The following FKBP3 variants were observed in gnomAD, a reference collection of about 807,000 sequenced individuals.
The protein encoded by FKBP3 is peptidyl-prolyl cis-trans isomerase FKBP3.
A neutral mutation model predicts 30.6 loss-of-function variants in FKBP3; 21 were observed. The ratio of observed to expected loss-of-function variants is 0.69; its 90% confidence interval spans 0.49 to 0.99. The LOEUF (loss-of-function observed/expected upper bound fraction) is 0.99, where lower values mean the gene tolerates loss of function less well. Ranked by LOEUF, FKBP3 falls within the 50% of genes least tolerant of loss-of-function variation. The pLI, the probability that FKBP3 is intolerant of heterozygous loss-of-function variation, is 0.00. For missense variants in FKBP3, 283 were observed against 261.6 expected (o/e 1.08, Z -0.56); for synonymous variants, 82 against 91.3 (o/e 0.90, Z 0.58).
chr14:45,127,130 T>TTTTTTTTTTTTTTTA (rs1885118130), intron 3 of FKBP3, among the ~76,000 whole-genome samples: 3 of 145,612 alleles, frequency 2.1e-5, no homozygotes, highest in South Asian at 2.2e-4. Flanking sequence ...TTTTTTTTTT[T>TTTTTTTTTTTTTTTA]GAGACAGAGT....
intron 3 of FKBP3, among the ~76,000 whole-genome samples, chr14:45,127,791 AAAG>A (rs1885133096): frequency 6.6e-6 from 1 of 152,184 alleles, no homozygotes; most frequent in Non-Finnish European, 1.5e-5. Flanking sequence ...CTGACTGGAT[AAAG>A]AAAGAGAAGG....
intron 1 of FKBP3, among the ~76,000 whole-genome samples, 156 bp downstream of exon 1, chr14:45,134,193 C>G (rs543072781): frequency 1.0e-3 from 156 of 152,346 alleles, no homozygotes; most frequent in Admixed American, 2.4e-3. Flanking sequence ...GGGAGCGAGG[C>G]ACCAAAGCAC....
rs1312569128 is a variant in FKBP3, at chr14:45,134,423, CG to C, written c.33del (p.Val12TrpfsTer33). On this transcript the variant is annotated frameshift_variant, in exon 1 of 7. Transcript: ENST00000396062. LOFTEE classifies it high-confidence loss of function. MAAAVPQRAW[T>X]VEQLRSEQLP... ...AGCTGCTCACTGCGCAGCTGCTCCA[CG>C]GTCCACGCCCGCTGTGGAACGGCCG... 1 of 1,612,630 alleles carries C rather than the reference CG, an allele frequency of 6.2e-7. No homozygotes were observed. The highest frequency in any genetic ancestry group is 8.5e-7 in the Non-Finnish European group (1 of 1,179,532).
At chr14:45,133,869 T>A (rs2139091868) in intron 1 of FKBP3, among the ~76,000 whole-genome samples, 1 of 152,208 alleles carries the variant, frequency 6.6e-6, no homozygotes, top group East Asian at 1.9e-4. Context: ...ACCTACGGAT[T>A]TTTTAAAAAT....
chr14:45,127,116 T>G (rs1885116799), intron 3 of FKBP3, among the ~76,000 whole-genome samples: 3 of 107,150 alleles, frequency 2.8e-5, no homozygotes, highest in East Asian at 4.8e-4. Context: ...TGACCCTGTC[T>G]TTTTTTTTTT....
chr14:45,119,437 C>T lies in FKBP3; in HGVS notation c.523-1312G>A, dbSNP rs564325339. 1.6e-4 allele frequency among the ~76,000 whole-genome samples: 25 copies of T among 151,824 alleles called. No homozygotes were observed. The South Asian group carries it at 4.8e-3, about 29-fold the overall frequency. On this transcript the variant is annotated intron_variant, in intron 5 of 6. Transcript: ENST00000396062. ...AGGAATGCAAAATTAGGTGTGGTGGCGCATGCCTGTAATCCCAGCTATTCG... is the reference window on the plus strand; with the variant it reads ...AGGAATGCAAAATTAGGTGTGGTGGTGCATGCCTGTAATCCCAGCTATTCG...
At chr14:45,122,279 TA>T (rs1263424864) in intron 3 of FKBP3, among the ~76,000 whole-genome samples, 4 of 140,280 alleles carry the variant, frequency 2.9e-5, no homozygotes, top group Admixed American at 1.5e-4. Flanking sequence ...GGGAGTTAAT[TA>T]AAAAAAAGAA....
chr14:45,117,570 C>A (rs1258948815), intron 6 of FKBP3, among the ~76,000 whole-genome samples: 1 of 152,096 alleles, frequency 6.6e-6, no homozygotes, highest in Non-Finnish European at 1.5e-5. Flanking sequence ...ACTGTTGATT[C>A]TGTGGTCTCC....
chr14:45,132,603 G>A (rs945862449), intron 1 of FKBP3, among the ~76,000 whole-genome samples: 1 of 151,698 alleles, frequency 6.6e-6, no homozygotes, highest in Non-Finnish European at 1.5e-5. Flanking sequence ...GTTTCGCTAC[G>A]TTGGCCAGGC....
intron 1 of FKBP3, 132 bp from the exon 2 acceptor site, chr14:45,130,932 T>C (rs2139088173): frequency 5.8e-6 from 3 of 519,852 alleles, no homozygotes; most frequent in South Asian, 3.0e-5. Flanking sequence ...ATAAAGCCTA[T>C]AGTTTATACT....
intron 6 of FKBP3, 162 bp from the exon 7 acceptor site, chr14:45,116,414 A>G: frequency 1.8e-6 from 1 of 548,372 alleles, no homozygotes; most frequent in Non-Finnish European, 3.3e-6. Context: ...ATTAGCCACC[A>G]CTTAATGAAG....
chr14:45,125,648 T>C (rs1885079927), intron 3 of FKBP3, among the ~76,000 whole-genome samples: 1 of 152,194 alleles, frequency 6.6e-6, no homozygotes, highest in African/African-American at 2.4e-5. Context: ...GACAAGTCTT[T>C]ATATTAAAAT....
intron 3 of FKBP3, among the ~76,000 whole-genome samples, chr14:45,125,804 G>T (rs1014458738): frequency 2.6e-5 from 4 of 152,220 alleles, no homozygotes; most frequent in Middle Eastern, 3.4e-3. Context: ...GACAAATAGG[G>T]ATAGTAAAAG....
At chr14:45,118,477 A>C (rs1884906551) in intron 5 of FKBP3, among the ~76,000 whole-genome samples, 3 of 152,124 alleles carry the variant, frequency 2.0e-5, no homozygotes, top group Admixed American at 1.3e-4. Flanking sequence ...CTAAAAATAA[A>C]AAAATTAGCT....
chr14:45,121,426 G>A, intron 4 of FKBP3, 59 bp downstream of exon 4: 1 of 1,455,370 alleles, frequency 6.9e-7, no homozygotes, highest in Non-Finnish European at 9.5e-7. Context: ...TCATCTGTCT[G>A]CCACCCAAGT....
intron 4 of FKBP3, 78 bp downstream of exon 4, chr14:45,121,407 G>A: frequency 8.1e-7 from 1 of 1,228,570 alleles, no homozygotes; most frequent in South Asian, 1.4e-5. Context: ...AAAAGGTACT[G>A]CTAACTACTC....
chr14:45,124,809 C>T (rs914942973), intron 3 of FKBP3, among the ~76,000 whole-genome samples: 5 of 152,100 alleles, frequency 3.3e-5, no homozygotes, highest in East Asian at 1.9e-4. Flanking sequence ...GCATGAAATA[C>T]GGCTAGAAAA....
chr14:45,123,710 G>A (rs562225874), intron 3 of FKBP3, among the ~76,000 whole-genome samples: 14 of 144,654 alleles, frequency 9.7e-5, no homozygotes, highest in Admixed American at 3.5e-4. Context: ...TGCCTCCCGG[G>A]TTCACGCCAT....
At chr14:45,132,328 C>T (rs1885234925) in intron 1 of FKBP3, among the ~76,000 whole-genome samples, 1 of 152,104 alleles carries the variant, frequency 6.6e-6, no homozygotes, top group South Asian at 2.1e-4. Context: ...ATAAACATCT[C>T]TTTGATATCT....
Sources: allele counts gnomAD v4.1 joint callset (sites outside exome capture counted in the v4.1 genomes callset), GRCh38; gene constraint gnomAD v4.1.1; transcripts MANE v1.5; gene names NCBI Gene and HGNC (gene_info 2026-07-23, HGNC 2026-07-21).